The following BACH2 variants were observed in gnomAD, a reference collection of about 807,000 sequenced individuals.
BACH2 encodes BACH transcriptional regulator 2.
In BACH2, 5 loss-of-function variants were observed where a neutral mutation model predicts 61.8. The ratio of observed to expected loss-of-function variants is 0.08; its 90% CI spans 0.04 to 0.17. The LOEUF (loss-of-function observed/expected upper bound fraction) is 0.17. Ranked by LOEUF, BACH2 falls within the 10% of genes least tolerant of loss-of-function variation. The probability of loss-of-function intolerance (pLI) is 1.00; values close to 1 mark genes in which losing one functional copy is unlikely to be tolerated. For synonymous variants in BACH2, 446 were observed against 440.1 expected (o/e 1.01, Z -0.17); for missense variants, 824 against 1,091.1 (o/e 0.76, Z 3.45).
intron 3 of BACH2, among the ~76,000 whole-genome samples, chr6:90,239,423 C>T (rs1028886503): frequency 7.9e-5 from 12 of 152,072 alleles, no homozygotes; most frequent in East Asian, 3.9e-4. Context: ...AGAAAACAAG[C>T]GAAAGATCAG....
chr6:90,272,547 A>G (rs1260891296), intron 1 of BACH2, among the ~76,000 whole-genome samples: 1 of 152,124 alleles, frequency 6.6e-6, no homozygotes, highest in African/African-American at 2.4e-5. Context: ...GCTCTTCAAA[A>G]GCCTTCATTT....
intron 5 of BACH2, among the ~76,000 whole-genome samples, chr6:90,057,175 A>C (rs1780404163): frequency 6.6e-6 from 1 of 152,204 alleles, no homozygotes; most frequent in Non-Finnish European, 1.5e-5. Context: ...AAAATGAATG[A>C]ATCCAGGAGC....
chr6:90,256,696 A>C (rs11752685), intron 2 of BACH2, among the ~76,000 whole-genome samples: 38,599 of 152,168 alleles, frequency 0.25, 5,693 homozygotes, highest in Non-Finnish European at 0.34. Flanking sequence ...AGATAGTAAA[A>C]AGGTTACTGT....
chr6:90,158,905 T>A (rs745333104), intron 4 of BACH2, among the ~76,000 whole-genome samples: 1 of 152,154 alleles, frequency 6.6e-6, no homozygotes. Flanking sequence ...CTGAAAAATA[T>A]CATCTCTTAA....
chr6:90,188,986 C>T (rs1295837160), intron 4 of BACH2, among the ~76,000 whole-genome samples: 1 of 152,076 alleles, frequency 6.6e-6, no homozygotes, highest in East Asian at 1.9e-4. Context: ...CGTAATTACT[C>T]TCTTTTTACA....
chr6:90,258,204 T>C (rs994965549), intron 2 of BACH2, among the ~76,000 whole-genome samples: 8 of 152,364 alleles, frequency 5.3e-5, no homozygotes, highest in Non-Finnish European at 7.3e-5. Flanking sequence ...TCTGCTTTTA[T>C]GTTTAGGTCT....
At chr6:90,244,300 TAC>T (rs1770558826) in intron 3 of BACH2, among the ~76,000 whole-genome samples, 1 of 152,250 alleles carries the variant, frequency 6.6e-6, no homozygotes, top group Non-Finnish European at 1.5e-5. Context: ...ACTAAATACT[TAC>T]TATGTACCAG....
At chr6:89,980,327 C>T (rs557309347) in intron 6 of BACH2, among the ~76,000 whole-genome samples, 3 of 152,256 alleles carry the variant, frequency 2.0e-5, no homozygotes, top group African/African-American at 4.8e-5. Flanking sequence ...AGGGGACGAT[C>T]CTCATTTCAC....
intron 4 of BACH2, among the ~76,000 whole-genome samples, chr6:90,141,626 C>G (rs1029269116): frequency 6.6e-6 from 1 of 151,422 alleles, no homozygotes; most frequent in Non-Finnish European, 1.5e-5. Flanking sequence ...CAAAGACAAA[C>G]AGCTTTGCTA....
intron 4 of BACH2, among the ~76,000 whole-genome samples, chr6:90,162,491 A>T (rs1175546547): frequency 6.6e-6 from 1 of 152,006 alleles, no homozygotes; most frequent in Non-Finnish European, 1.5e-5. Context: ...ATTTTTTAAA[A>T]ATTAGCTGGG....
rs556878023 is a variant in BACH2 at position 90,248,480 on chromosome 6, T to C, written c.-275+4033A>G. 2.2e-4 allele frequency among the ~76,000 whole-genome samples: 33 copies of C among 152,200 alleles called. No homozygotes were observed. The South Asian group carries it at 6.0e-3, about 28-fold the overall frequency. Reference sequence around the variant, plus strand: ...TGTATGGCCAAATATGAAATTAAAATTCTAATAAGGGCTGGGAAAGAAAGG... The same window carrying C: ...TGTATGGCCAAATATGAAATTAAAACTCTAATAAGGGCTGGGAAAGAAAGG... On this transcript the variant is annotated intron_variant, in intron 3 of 8. Transcript: ENST00000257749.
At chr6:90,186,576 C>T (rs1357398679) in intron 4 of BACH2, among the ~76,000 whole-genome samples, 1 of 152,058 alleles carries the variant, frequency 6.6e-6, no homozygotes, top group African/African-American at 2.4e-5. Flanking sequence ...AAGTCTGTTC[C>T]TTTCAAGGTT....
At chr6:90,133,614 A>G (rs1180437307) in intron 4 of BACH2, among the ~76,000 whole-genome samples, 1 of 152,102 alleles carries the variant, frequency 6.6e-6, no homozygotes, top group African/African-American at 2.4e-5. Context: ...ATATGTATAC[A>G]TGTGCCATGT....
chr6:90,195,122 G>A (rs574970653), intron 4 of BACH2, among the ~76,000 whole-genome samples: 5 of 152,132 alleles, frequency 3.3e-5, no homozygotes, highest in Non-Finnish European at 7.4e-5. Flanking sequence ...TCCAGATGTG[G>A]GTGATTCTGC....
At chr6:90,295,193 G>T (rs1772302075) in intron 1 of BACH2, among the ~76,000 whole-genome samples, 1 of 152,170 alleles carries the variant, frequency 6.6e-6, no homozygotes, top group Non-Finnish European at 1.5e-5. Flanking sequence ...GCGGTGACCG[G>T]GAGAGCAGGC....
rs915494499 is a variant in BACH2 at position 90,237,080 on chromosome 6, C to T, written c.-275+15433G>A. Among the ~76,000 whole-genome samples the T allele has an allele frequency of 6.6e-5, 10 of 152,136 alleles. No individual in the cohort carries two copies. In the East Asian group the frequency reaches 1.6e-3, roughly 24 times the overall value. Reference sequence around the variant, plus strand: ...CTGGGACTACAGGCGCCTGCCACCACGCCCGGCTAATTTTTCGTATTTTTA... The same window carrying T: ...CTGGGACTACAGGCGCCTGCCACCATGCCCGGCTAATTTTTCGTATTTTTA... On this transcript the variant is annotated intron_variant, in intron 3 of 8. Coordinates refer to ENST00000257749, the MANE Select transcript of BACH2 (RefSeq NM_021813.4).
chr6:90,212,113 C>G (rs1165699199), intron 3 of BACH2, among the ~76,000 whole-genome samples: 1 of 152,164 alleles, frequency 6.6e-6, no homozygotes, highest in African/African-American at 2.4e-5. Flanking sequence ...CCCAAATTTC[C>G]TCTACTCTAT....
chr6:90,170,358 A>G (rs1767770806), intron 4 of BACH2, among the ~76,000 whole-genome samples: 2 of 152,154 alleles, frequency 1.3e-5, no homozygotes, highest in Non-Finnish European at 2.9e-5. Flanking sequence ...CATACTATAC[A>G]CTTTACCTAT....
At chr6:89,941,755 C>T (rs946588658) in intron 7 of BACH2, among the ~76,000 whole-genome samples, 2 of 152,116 alleles carry the variant, frequency 1.3e-5, no homozygotes, top group Non-Finnish European at 2.9e-5. Flanking sequence ...CTGATGACAA[C>T]AAAGCCATTC....
Sources: allele counts gnomAD v4.1 joint callset (sites outside exome capture counted in the v4.1 genomes callset), GRCh38; gene constraint gnomAD v4.1.1; transcripts MANE v1.5; gene names NCBI Gene and HGNC (gene_info 2026-07-23, HGNC 2026-07-21).